CCDC69: variants seen among roughly 807,000 people sequenced by gnomAD.
CCDC69 encodes the protein coiled-coil domain-containing protein 69.
CCDC69 carries 38 observed loss-of-function variants against 40.3 expected under a neutral mutation model. The observed-to-expected ratio is 0.94, with a 90% CI of 0.73 to 1.24. The LOEUF (loss-of-function observed/expected upper bound fraction) is 1.24. CCDC69 is among the 50% of genes most tolerant of loss of function. The pLI, the probability that CCDC69 is intolerant of heterozygous loss-of-function variation, is 0.00. For synonymous variants in CCDC69, 141 were observed against 138.9 expected (o/e 1.02, Z -0.11); for missense variants, 389 against 357.9 (o/e 1.09, Z -0.70).
chr5:151,201,969 C>T (rs1582045154), intron 2 of CCDC69, among the ~76,000 whole-genome samples: 1 of 152,082 alleles, frequency 6.6e-6, no homozygotes, highest in South Asian at 2.1e-4. Flanking sequence ...GACAGCCCCT[C>T]GAGTCTCTTT....
At chr5:151,202,284 A>G (rs1752786349) in intron 2 of CCDC69, among the ~76,000 whole-genome samples, 1 of 151,972 alleles carries the variant, frequency 6.6e-6, no homozygotes, top group South Asian at 2.1e-4. Flanking sequence ...TGGTTTGAGC[A>G]CAGGAGTTCA....
chr5:151,216,090 C>A (rs1228966236), intron 1 of CCDC69, among the ~76,000 whole-genome samples: 2 of 152,240 alleles, frequency 1.3e-5, no homozygotes, highest in African/African-American at 4.8e-5. Context: ...TCCCCAGTAA[C>A]TGGGACTACA....
rs546465954 is a variant in CCDC69, at chr5:151,183,648, T to C, written c.714-34A>G. ...GCACACAGAGCCCAGGGTTGCCTACTGGGAGCAGCTGCCACAGAGACCAAC... is the reference window on the plus strand; with the variant it reads ...GCACACAGAGCCCAGGGTTGCCTACCGGGAGCAGCTGCCACAGAGACCAAC... On this transcript the variant is annotated intron_variant, in intron 8 of 8. Transcript: ENST00000355417. The C allele has an allele frequency of 5.8e-6, 9 of 1,563,092 alleles. No homozygotes were observed. In the East Asian group the frequency reaches 1.8e-4, roughly 31 times the overall value.
intron 2 of CCDC69, 88 bp downstream of exon 2, chr5:151,205,312 A>C: frequency 9.6e-7 from 1 of 1,044,274 alleles, no homozygotes; most frequent in East Asian, 2.4e-5. Flanking sequence ...ATCTCATGAG[A>C]TATTTCAGCA....
intron 4 of CCDC69, among the ~76,000 whole-genome samples, chr5:151,193,908 T>C (rs1378861070): frequency 2.0e-5 from 3 of 152,220 alleles, no homozygotes; most frequent in African/African-American, 4.8e-5. Context: ...AGCAAGTTAA[T>C]TTAAATGGGA....
chr5:151,190,410 A>G (rs1165828329), intron 4 of CCDC69, among the ~76,000 whole-genome samples: 1 of 152,160 alleles, frequency 6.6e-6, no homozygotes, highest in African/African-American at 2.4e-5. Flanking sequence ...TCACACTTGT[A>G]ATCCCTGCAT....
chr5:151,190,328 C>A (rs150358657), intron 4 of CCDC69, among the ~76,000 whole-genome samples: 34 of 152,198 alleles, frequency 2.2e-4, no homozygotes, highest in South Asian at 4.1e-4. Context: ...AACAGAGGAA[C>A]CTACATGACG....
chr5:151,205,595 G>A (rs1441631919), intron 1 of CCDC69, 120 bp from the exon 2 acceptor site: 3 of 799,062 alleles, frequency 3.8e-6, no homozygotes, highest in Non-Finnish European at 6.2e-6. Context: ...ACCAGACCCT[G>A]CCCCACGCCT....
chr5:151,199,017 T>C lies in CCDC69; in HGVS notation c.299A>G (p.Lys100Arg). Residue 100 changes from lysine (K) to arginine (R), a missense_variant, in exon 4 of 9, where the codon AAG becomes AGG. Transcript: ENST00000355417. ...LDEQQRVLEGKNEEALQVLRA... is the reference protein window; with the variant it reads ...LDEQQRVLEGRNEEALQVLRA... ...CTTACCTTGCAGGGCCTCTTCATTC[T>C]TTCCTTCCAGGACCCTTTGCTGCTC... 6.2e-7 allele frequency: 1 copy of C among 1,614,080 alleles called. No individual in the cohort carries two copies. The highest frequency in any genetic ancestry group is 8.5e-7 in the Non-Finnish European group (1 of 1,179,938).
intron 1 of CCDC69, among the ~76,000 whole-genome samples, chr5:151,218,179 C>A (rs1753076843): frequency 1.3e-5 from 2 of 152,188 alleles, no homozygotes; most frequent in African/African-American, 4.8e-5. Flanking sequence ...TTAAGATTCA[C>A]CTTGCAAGAC....
chr5:151,217,400 A>C (rs1452035612), intron 1 of CCDC69, among the ~76,000 whole-genome samples: 1 of 152,002 alleles, frequency 6.6e-6, no homozygotes, highest in African/African-American at 2.4e-5. Flanking sequence ...ATTGCTGGCA[A>C]CTTGGGGCTG....
chr5:151,214,924 GCC>G (rs1753015341), intron 1 of CCDC69, among the ~76,000 whole-genome samples: 1 of 152,184 alleles, frequency 6.6e-6, no homozygotes, highest in South Asian at 2.1e-4. Context: ...CCTAGAGAAA[GCC>G]TTTCTAATAC....
At chr5:151,219,987 G>T (rs915499742) in intron 1 of CCDC69, among the ~76,000 whole-genome samples, 5 of 151,784 alleles carry the variant, frequency 3.3e-5, no homozygotes, top group African/African-American at 1.2e-4. Flanking sequence ...CTCCCCTACT[G>T]GCCACTGTGC....
chr5:151,222,352 C>T (rs572497658), intron 1 of CCDC69, among the ~76,000 whole-genome samples: 1 of 152,332 alleles, frequency 6.6e-6, no homozygotes, highest in East Asian at 1.9e-4. Context: ...GGAGCAGGAG[C>T]CAAAGAACCT....
At chr5:151,215,019 C>T (rs1287468217) in intron 1 of CCDC69, among the ~76,000 whole-genome samples, 1 of 152,216 alleles carries the variant, frequency 6.6e-6, no homozygotes, top group Non-Finnish European at 1.5e-5. Context: ...GTTCTGGTTG[C>T]CTCAGAGGGC....
At chr5:151,196,485 T>C (rs1752702342) in intron 4 of CCDC69, among the ~76,000 whole-genome samples, 1 of 152,056 alleles carries the variant, frequency 6.6e-6, no homozygotes, top group Non-Finnish European at 1.5e-5. Flanking sequence ...GATAAATAAT[T>C]CTGGGGAAAG....
chr5:151,192,110 T>A (rs1016588636), intron 4 of CCDC69, among the ~76,000 whole-genome samples: 2,619 of 54,310 alleles, frequency 0.048, no homozygotes, highest in Non-Finnish European at 0.057. Flanking sequence ...AAAAAAAGAA[T>A]GAAAAGAAAT....
intron 4 of CCDC69, among the ~76,000 whole-genome samples, chr5:151,194,021 C>T (rs986600120): frequency 4.6e-5 from 7 of 152,188 alleles, no homozygotes; most frequent in Admixed American, 1.3e-4. Flanking sequence ...AAGATTACTG[C>T]ACACCTATTA....
At chr5:151,194,929 A>T (rs35931589) in intron 4 of CCDC69, among the ~76,000 whole-genome samples, 10,342 of 150,688 alleles carry the variant, frequency 0.069, 495 homozygotes, top group Middle Eastern at 0.1. Context: ...TACATGCATT[A>T]GAATTTATGA....
Sources: gnomAD v4.1 joint callset for allele counts (sites outside exome capture counted in the v4.1 genomes callset) on GRCh38, gnomAD v4.1.1 for gene constraint, MANE v1.5 for transcripts, NCBI Gene and HGNC (gene_info 2026-07-23, HGNC 2026-07-21) for gene names.